Variants in PCDH15 observed in about 807,000 individuals in gnomAD.
PCDH15 encodes the protein protocadherin-15.
PCDH15 carries 129 observed loss-of-function variants against 178.5 expected under a neutral mutation model. The observed-to-expected ratio is 0.72, with a 90% confidence interval of 0.63 to 0.84. PCDH15 has a LOEUF of 0.84. Ranked by LOEUF, PCDH15 falls within the 40% of genes least tolerant of loss-of-function variation. The probability of loss-of-function intolerance (pLI) is 0.00; values close to 1 mark genes in which losing one functional copy is unlikely to be tolerated. For missense variants in PCDH15, 2,230 were observed against 2,099.9 expected (o/e 1.06, Z -1.21); for synonymous variants, 800 against 732.0 (o/e 1.09, Z -1.50).
chr10:55,238,917 A>C (rs761456947), intron 1 of PCDH15, among the ~76,000 whole-genome samples: 1 of 152,144 alleles, frequency 6.6e-6, no homozygotes, highest in Non-Finnish European at 1.5e-5. Flanking sequence ...AGTTATTTTA[A>C]AATATACAAT....
At position 54,129,840 on chromosome 10, in the gene PCDH15, G is replaced by A. The variant is rs78728771; in HGVS notation, c.1917+3035C>T. 3.5e-3 allele frequency among the ~76,000 whole-genome samples: 539 copies of A among 152,176 alleles called. 4 individuals carry two copies. The highest frequency in any genetic ancestry group is 0.02 in the Middle Eastern group (6 of 294). On this transcript the variant is annotated intron_variant, in intron 15 of 37. Transcript: ENST00000644397. ...TCTCTCAAAAAATCTGCATATAAAT[G>A]GATCTGTGCATTTCAAACTTGGGTT...
At chr10:54,748,921 G>T (rs1945828274) in intron 1 of PCDH15, among the ~76,000 whole-genome samples, 1 of 152,126 alleles carries the variant, frequency 6.6e-6, no homozygotes, top group Admixed American at 6.5e-5. Context: ...TGTATATTAT[G>T]CTTTCTAACT....
chr10:55,146,223 G>T (rs7904758), intron 2 of PCDH15, among the ~76,000 whole-genome samples: 1 of 151,714 alleles, frequency 6.6e-6, no homozygotes, highest in African/African-American at 2.4e-5. Flanking sequence ...AACTTGTTTC[G>T]CCAAATGACT....
intron 2 of PCDH15, among the ~76,000 whole-genome samples, chr10:55,426,044 C>A (rs1384766340): frequency 1.3e-5 from 2 of 152,028 alleles, no homozygotes; most frequent in African/African-American, 4.8e-5. Context: ...ATGGTAAGAA[C>A]AATTCACTTT....
chr10:54,685,505 G>T (rs2094980767), intron 1 of PCDH15, among the ~76,000 whole-genome samples: 1 of 152,118 alleles, frequency 6.6e-6, no homozygotes, highest in South Asian at 2.1e-4. Context: ...CCAGGAAATA[G>T]AAATAGAAAT....
At chr10:54,824,677 C>T (rs1953097439) in intron 3 of PCDH15, among the ~76,000 whole-genome samples, 1 of 152,044 alleles carries the variant, frequency 6.6e-6, no homozygotes, top group African/African-American at 2.4e-5. Flanking sequence ...CCCCAGAAGC[C>T]TGGATTTGCT....
chr10:53,967,535 G>T (rs970179918), intron 21 of PCDH15, among the ~76,000 whole-genome samples: 11 of 152,160 alleles, frequency 7.2e-5, no homozygotes, highest in Admixed American at 5.9e-4. Context: ...GCCTCCCAAA[G>T]TATTAGGATT....
At chr10:53,843,121 A>T (rs1052409910) in intron 28 of PCDH15, among the ~76,000 whole-genome samples, 2 of 152,198 alleles carry the variant, frequency 1.3e-5, no homozygotes, top group Admixed American at 1.3e-4. Flanking sequence ...CTAAAAACAA[A>T]TTATGTCATT....
At chr10:55,443,861 A>G (rs1021082617) in intron 2 of PCDH15, among the ~76,000 whole-genome samples, 2 of 152,196 alleles carry the variant, frequency 1.3e-5, no homozygotes, top group African/African-American at 4.8e-5. Context: ...GCTATTCACA[A>G]CAGCAAAGAC....
chr10:55,028,604 AT>A (rs544850891), intron 2 of PCDH15, among the ~76,000 whole-genome samples: 4 of 151,900 alleles, frequency 2.6e-5, no homozygotes, highest in African/African-American at 7.2e-5. Context: ...CAGACTTCGC[AT>A]TTTTTTTCTT....
intron 2 of PCDH15, among the ~76,000 whole-genome samples, chr10:55,494,072 T>C (rs1179181423): frequency 6.6e-6 from 1 of 151,782 alleles, no homozygotes; most frequent in Non-Finnish European, 1.5e-5. Flanking sequence ...ATACATTACA[T>C]GTTGAGATGA....
intron 23 of PCDH15, among the ~76,000 whole-genome samples, chr10:53,958,978 CAAAAAAAAAAAAA>C (rs71004497): frequency 2.2e-5 from 1 of 45,828 alleles, no homozygotes; most frequent in South Asian, 1.2e-3. Context: ...GACTCCATCT[CAAAAAAAAAAAAA>C]AAAAAAAAAA....
At chr10:55,453,116 G>A (rs1202419318) in intron 2 of PCDH15, among the ~76,000 whole-genome samples, 5 of 152,122 alleles carry the variant, frequency 3.3e-5, no homozygotes, top group African/African-American at 1.2e-4. Flanking sequence ...AAATCTCAGA[G>A]TCATTTGAGG....
intron 2 of PCDH15, among the ~76,000 whole-genome samples, chr10:55,554,604 AC>A (rs1842055728): frequency 6.6e-6 from 1 of 151,908 alleles, no homozygotes; most frequent in Non-Finnish European, 1.5e-5. Flanking sequence ...GGGATGCAAA[AC>A]CCACACATAT....
intron 2 of PCDH15, among the ~76,000 whole-genome samples, chr10:55,102,967 G>A (rs1043341823): frequency 6.6e-6 from 1 of 152,094 alleles, no homozygotes; most frequent in East Asian, 1.9e-4. Context: ...TGAGTCTGCT[G>A]AGGAGGAGGA....
intron 3 of PCDH15, among the ~76,000 whole-genome samples, chr10:54,834,792 C>T (rs994480852): frequency 3.3e-5 from 5 of 152,234 alleles, no homozygotes; most frequent in Middle Eastern, 6.8e-3. Flanking sequence ...TTGCACTTGT[C>T]CTGCCTATTT....
At chr10:55,341,788 TATATATATATATATATA>T (rs1296496663) in intron 2 of PCDH15, among the ~76,000 whole-genome samples, 311 of 12,040 alleles carry the variant, frequency 0.026, 4 homozygotes, top group Non-Finnish European at 0.032. Flanking sequence ...TATATATATA[TATATATATATATATATA>T]TTTTTTTTTT....
At chr10:54,904,365 G>C (rs1339143189) in intron 2 of PCDH15, among the ~76,000 whole-genome samples, 1 of 151,882 alleles carries the variant, frequency 6.6e-6, no homozygotes, top group African/African-American at 2.4e-5. Flanking sequence ...ACAAAGAGAA[G>C]AGACTATCTA....
At chr10:54,249,248 T>C (rs992155991) in intron 8 of PCDH15, among the ~76,000 whole-genome samples, 5 of 152,074 alleles carry the variant, frequency 3.3e-5, no homozygotes, top group African/African-American at 1.2e-4. Context: ...ACATTGGTCT[T>C]CATCAATAAA....
Sources: gnomAD v4.1 joint callset for allele counts (sites outside exome capture counted in the v4.1 genomes callset) on GRCh38, gnomAD v4.1.1 for gene constraint, MANE v1.5 for transcripts, NCBI Gene and HGNC (gene_info 2026-07-23, HGNC 2026-07-21) for gene names.